UNC13B: variants seen among roughly 807,000 people sequenced by gnomAD.
UNC13B encodes protein unc-13 homolog B.
Under a neutral mutation model 211.0 loss-of-function variants are expected in UNC13B, and 144 were observed. The observed-to-expected ratio is 0.68, with a 90% CI of 0.60 to 0.78. The LOEUF is 0.78. Ranked by LOEUF, UNC13B falls within the 30% of genes least tolerant of loss-of-function variation. The pLI is 0.00. For synonymous variants in UNC13B, 709 were observed against 725.8 expected, an observed-to-expected ratio of 0.98 and a Z score of 0.37; for missense variants, 1,777 against 2,002.0, an observed-to-expected ratio of 0.89 and a Z score of 2.14.
intron 11 of UNC13B, among the ~76,000 whole-genome samples, chr9:35,314,590 A>G (rs909169446): frequency 1.3e-5 from 2 of 152,130 alleles, no homozygotes; most frequent in Non-Finnish European, 2.9e-5. Context: ...TGCAGTTTTG[A>G]TACATGGATA....
At chr9:35,385,595 T>C (rs1835135554) in intron 22 of UNC13B, 129 bp from the exon 23 acceptor site, 1 of 1,424,338 alleles carries the variant, frequency 7.0e-7, no homozygotes, top group African/African-American at 1.4e-5. Flanking sequence ...TTTACAGTGT[T>C]TTTGGCCAGC....
At chr9:35,207,478 T>TTTATTTA in intron 1 of UNC13B, among the ~76,000 whole-genome samples, 1 of 142,978 alleles carries the variant, frequency 7.0e-6, no homozygotes, top group Non-Finnish European at 1.5e-5. Context: ...AGAAATTAAT[T>TTTATTTA]TTTATTTATT....
At chr9:35,269,902 AT>A (rs889608488) in intron 7 of UNC13B, among the ~76,000 whole-genome samples, 55 of 147,976 alleles carry the variant, frequency 3.7e-4, no homozygotes, top group Admixed American at 6.7e-4. Context: ...TGGACACATG[AT>A]TTTTTTTTTT....
intron 5 of UNC13B, among the ~76,000 whole-genome samples, chr9:35,240,450 T>C (rs1316801421): frequency 6.6e-6 from 1 of 152,156 alleles, no homozygotes; most frequent in Non-Finnish European, 1.5e-5. Context: ...ACAACTATTA[T>C]TTCAGAAAAA....
At chr9:35,216,517 C>G (rs1824252982) in intron 1 of UNC13B, among the ~76,000 whole-genome samples, 1 of 152,028 alleles carries the variant, frequency 6.6e-6, no homozygotes, top group Non-Finnish European at 1.5e-5. Flanking sequence ...CCCAAGAAAG[C>G]CAAAAACAGC....
At chr9:35,167,807 G>A (rs1821124773) in intron 1 of UNC13B, among the ~76,000 whole-genome samples, 1 of 133,398 alleles carries the variant, frequency 7.5e-6, no homozygotes, top group East Asian at 2.2e-4. Context: ...GTTTCACTAT[G>A]TTGGCCAGGC....
intron 7 of UNC13B, among the ~76,000 whole-genome samples, chr9:35,267,385 G>A (rs2131663334): frequency 6.6e-6 from 1 of 152,348 alleles, no homozygotes; most frequent in Non-Finnish European, 1.5e-5. Context: ...CTATCTTGAT[G>A]AATGCCAGTT....
intron 1 of UNC13B, among the ~76,000 whole-genome samples, chr9:35,212,210 A>G (rs1824005978): frequency 6.6e-6 from 1 of 152,248 alleles, no homozygotes; most frequent in African/African-American, 2.4e-5. Context: ...TTTTCTATGC[A>G]TTAGTAATAA....
intron 12 of UNC13B, among the ~76,000 whole-genome samples, chr9:35,368,758 G>T (rs10972448): frequency 6.7e-6 from 1 of 149,218 alleles, no homozygotes; most frequent in African/African-American, 2.5e-5. Context: ...TTTAATCAAG[G>T]GTGAATCATT....
intron 7 of UNC13B, among the ~76,000 whole-genome samples, chr9:35,281,455 A>G (rs1265476888): frequency 6.6e-6 from 1 of 151,886 alleles, no homozygotes; most frequent in Non-Finnish European, 1.5e-5. Flanking sequence ...CCCTGACCTC[A>G]GGGAGCTCAA....
chr9:35,402,133 T>C (rs1836345237), intron 37 of UNC13B: 1 of 818,748 alleles, frequency 1.2e-6, no homozygotes, highest in South Asian at 1.6e-5. Flanking sequence ...CTATCTCAAG[T>C]CTTAGAGATG....
rs1254248603 is a variant in UNC13B at position 35,303,031 on chromosome 9, C to A, written c.3627C>A (p.Gly1209=). 3 of 398,560 alleles carry A rather than the reference C, an allele frequency of 7.5e-6. No individual in the cohort carries two copies. The highest frequency in any genetic ancestry group is 1.3e-5 in the Non-Finnish European group (3 of 225,788). 24.7% of individuals were successfully genotyped at this position (398,560 alleles called of 1,614,324 possible). Reference sequence around the variant, plus strand: ...AGGAAGCAAAGTTCATGTCTTTAGGCAACATGAAGAGTTTGAATGGAGATA... The same window carrying A: ...AGGAAGCAAAGTTCATGTCTTTAGGAAACATGAAGAGTTTGAATGGAGATA... ...KPEEAKFMSL[G]NMKSLNGDNH... The change falls in exon 9 of 40, where the codon GGC becomes GGA. Residue 1209 remains glycine, a synonymous_variant. Transcript: ENST00000635942.
At chr9:35,244,842 C>T (rs1375866139) in intron 6 of UNC13B, among the ~76,000 whole-genome samples, 3 of 152,176 alleles carry the variant, frequency 2.0e-5, no homozygotes, top group Admixed American at 6.5e-5. Flanking sequence ...GTTCAACCCA[C>T]AGTGAGTTAA....
At chr9:35,228,109 A>C in intron 2 of UNC13B, 65 bp downstream of exon 2, 1 of 1,383,936 alleles carries the variant, frequency 7.2e-7, no homozygotes, top group Non-Finnish European at 9.9e-7. Flanking sequence ...GCAATTTAAA[A>C]AAATTATTAA....
At chr9:35,259,172 G>T in intron 7 of UNC13B, 122 bp downstream of exon 7, 1 of 1,026,310 alleles carries the variant, frequency 9.7e-7, no homozygotes, top group South Asian at 1.5e-5. Context: ...AGATATTCCT[G>T]AAGCACATCT....
At chr9:35,204,358 A>C (rs900049967) in intron 1 of UNC13B, among the ~76,000 whole-genome samples, 1 of 152,234 alleles carries the variant, frequency 6.6e-6, no homozygotes, top group African/African-American at 2.4e-5. Flanking sequence ...CACAGAGTCC[A>C]CACTGGGGCA....
intron 7 of UNC13B, among the ~76,000 whole-genome samples, chr9:35,262,984 A>G (rs1827366410): frequency 6.6e-6 from 1 of 152,168 alleles, no homozygotes; most frequent in Non-Finnish European, 1.5e-5. Flanking sequence ...CTTTTTGGTC[A>G]TTTATGATAT....
At chr9:35,364,417 G>A in intron 11 of UNC13B, 5 of 968,448 alleles carry the variant, frequency 5.2e-6, no homozygotes, top group Non-Finnish European at 7.6e-6. Flanking sequence ...CTGCCTAGTT[G>A]TCCCGAGGAC....
At chr9:35,401,956 G>A (rs948908217) in intron 37 of UNC13B, 8 of 1,550,614 alleles carry the variant, frequency 5.2e-6, no homozygotes, top group African/African-American at 1.4e-5. Flanking sequence ...TTCAGTGCAT[G>A]ATGGGAAAGG....
Sources: allele counts gnomAD v4.1 joint callset (sites outside exome capture counted in the v4.1 genomes callset), GRCh38; gene constraint gnomAD v4.1.1; transcripts MANE v1.5; gene names NCBI Gene and HGNC (gene_info 2026-07-23, HGNC 2026-07-21).